The following CTNNA3 variants were observed in gnomAD, a reference collection of about 807,000 sequenced individuals.
CTNNA3 encodes the protein catenin alpha 3, also known as catenin alpha-3.
Under a neutral mutation model 95.7 loss-of-function variants are expected in CTNNA3, and 76 were observed. The observed-to-expected ratio is 0.79, with a 90% CI of 0.66 to 0.96. CTNNA3 has a LOEUF of 0.96. Among genes scored for constraint, CTNNA3 ranks in the 40% least tolerant of loss-of-function variants. The probability of loss-of-function intolerance (pLI) is 0.00; values close to 1 mark genes in which losing one functional copy is unlikely to be tolerated. For missense variants in CTNNA3, 1,191 were observed against 1,089.8 expected (o/e 1.09, Z -1.31); for synonymous variants, 431 against 374.4 (o/e 1.15, Z -1.74).
intron 13 of CTNNA3, among the ~76,000 whole-genome samples, chr10:66,178,707 CAACACTT>C (rs2085874108): frequency 6.6e-6 from 1 of 151,424 alleles, no homozygotes; most frequent in Non-Finnish European, 1.5e-5. Flanking sequence ...AAAGACCTCT[CAACACTT>C]AACATTAAAA....
At chr10:66,130,057 A>T (rs1156891437) in intron 13 of CTNNA3, among the ~76,000 whole-genome samples, 2 of 152,098 alleles carry the variant, frequency 1.3e-5, no homozygotes, top group Non-Finnish European at 2.9e-5. Context: ...CCCTGTGCCA[A>T]CACTGCCATC....
At chr10:67,575,799 T>C (rs895376962) in intron 3 of CTNNA3, among the ~76,000 whole-genome samples, 1 of 152,190 alleles carries the variant, frequency 6.6e-6, no homozygotes, top group Non-Finnish European at 1.5e-5. Flanking sequence ...GGCTCTCAGC[T>C]ACTGTTGGCT....
At chr10:66,159,626 G>GTTTTTTTTTTTTTTTTTTTGT (rs34684370) in intron 13 of CTNNA3, among the ~76,000 whole-genome samples, 24 of 114,864 alleles carry the variant, frequency 2.1e-4, no homozygotes, top group Non-Finnish European at 3.1e-4. Flanking sequence ...TTTGTTTTCT[G>GTTTTTTTTTTTTTTTTTTTGT]TTTTTTTTTT....
At chr10:66,695,345 G>C (rs1847717374) in intron 9 of CTNNA3, among the ~76,000 whole-genome samples, 1 of 152,140 alleles carries the variant, frequency 6.6e-6, no homozygotes, top group Non-Finnish European at 1.5e-5. Flanking sequence ...GGAAGTATTT[G>C]TTTCTTTGGG....
At chr10:66,367,278 T>C (rs1205295401) in intron 12 of CTNNA3, among the ~76,000 whole-genome samples, 1 of 152,114 alleles carries the variant, frequency 6.6e-6, no homozygotes, top group African/African-American at 2.4e-5. Context: ...AAACAATGTA[T>C]TATAAATATA....
At chr10:66,442,451 T>C (rs1267974738) in intron 11 of CTNNA3, among the ~76,000 whole-genome samples, 1 of 152,188 alleles carries the variant, frequency 6.6e-6, no homozygotes, top group African/African-American at 2.4e-5. Flanking sequence ...AAATATATTT[T>C]GGAGCAGTAC....
chr10:66,834,615 T>C (rs755654481), intron 7 of CTNNA3, among the ~76,000 whole-genome samples: 1 of 152,220 alleles, frequency 6.6e-6, no homozygotes, highest in Admixed American at 6.5e-5. Flanking sequence ...TATTTGAAGA[T>C]ATGACTTTAA....
At chr10:67,515,505 A>G (rs186328808) in intron 5 of CTNNA3, among the ~76,000 whole-genome samples, 2 of 152,228 alleles carry the variant, frequency 1.3e-5, no homozygotes, top group Non-Finnish European at 2.9e-5. Flanking sequence ...AACTTAGCAC[A>G]CTGTTTAATA....
chr10:67,275,317 C>T (rs1839145754), intron 5 of CTNNA3, among the ~76,000 whole-genome samples: 1 of 152,086 alleles, frequency 6.6e-6, no homozygotes, highest in Admixed American at 6.6e-5. Context: ...AGCTGTGGTC[C>T]TTGGCAGCAT....
intron 12 of CTNNA3, among the ~76,000 whole-genome samples, chr10:66,371,004 T>A (rs1490791257): frequency 6.6e-6 from 1 of 152,178 alleles, no homozygotes; most frequent in Non-Finnish European, 1.5e-5. Flanking sequence ...ATTACAGGTA[T>A]GAACCACTGC....
intron 9 of CTNNA3, among the ~76,000 whole-genome samples, chr10:66,763,495 C>A (rs1010812886): frequency 6.6e-6 from 1 of 151,726 alleles, no homozygotes; most frequent in Non-Finnish European, 1.5e-5. Context: ...ATTGTTACAT[C>A]ATAGAATTTA....
intron 9 of CTNNA3, among the ~76,000 whole-genome samples, chr10:66,714,015 A>T (rs4143862): frequency 0.077 from 11,669 of 152,202 alleles, 607 homozygotes; most frequent in Middle Eastern, 0.18. Flanking sequence ...TAATGAAGTA[A>T]AAATACCCAT....
chr10:66,420,837 A>AT (rs2093187090), intron 11 of CTNNA3, among the ~76,000 whole-genome samples: 5 of 77,436 alleles, frequency 6.5e-5, no homozygotes, highest in African/African-American at 2.6e-4. Context: ...AAATAAATAA[A>AT]TAAAAAACAA....
At chr10:66,436,290 T>C (rs2093337318) in intron 11 of CTNNA3, among the ~76,000 whole-genome samples, 1 of 152,128 alleles carries the variant, frequency 6.6e-6, no homozygotes, top group South Asian at 2.1e-4. Context: ...AGTCTCCCAC[T>C]ATTATTGTTT....
chr10:67,493,445 C>T (rs1838924577), intron 5 of CTNNA3, among the ~76,000 whole-genome samples: 1 of 151,494 alleles, frequency 6.6e-6, no homozygotes. Context: ...ACCTGTAGTC[C>T]CAGCTACTCG....
chr10:66,740,622 G>T (rs1194991249), intron 9 of CTNNA3, among the ~76,000 whole-genome samples: 1 of 152,212 alleles, frequency 6.6e-6, no homozygotes, highest in South Asian at 2.1e-4. Context: ...TTTTCTCTGT[G>T]TGAAAATGCT....
intron 7 of CTNNA3, among the ~76,000 whole-genome samples, chr10:67,073,906 T>C (rs1856594742): frequency 6.6e-6 from 1 of 152,226 alleles, no homozygotes; most frequent in Non-Finnish European, 1.5e-5. Flanking sequence ...AAATGTTAAG[T>C]AACTTTTGAC....
intron 2 of CTNNA3, among the ~76,000 whole-genome samples, chr10:67,646,610 C>A (rs569118558): frequency 6.6e-6 from 1 of 152,054 alleles, no homozygotes; most frequent in Admixed American, 6.6e-5. Flanking sequence ...AAAAGATAAG[C>A]AGAACATATT....
At chr10:67,491,440 G>A (rs138050757) in intron 5 of CTNNA3, among the ~76,000 whole-genome samples, 4 of 152,108 alleles carry the variant, frequency 2.6e-5, no homozygotes, top group African/African-American at 7.2e-5. Flanking sequence ...AAATCCTTTC[G>A]AAACACCATA....
Sources: gnomAD v4.1 joint callset for allele counts (sites outside exome capture counted in the v4.1 genomes callset) on GRCh38, gnomAD v4.1.1 for gene constraint, MANE v1.5 for transcripts, NCBI Gene and HGNC (gene_info 2026-07-23, HGNC 2026-07-21) for gene names.